The following NELL1 variants were observed in gnomAD, a reference collection of about 807,000 sequenced individuals.
NELL1 encodes the protein neural EGFL like 1, also known as protein kinase C-binding protein NELL1.
NELL1 carries 76 observed loss-of-function variants against 107.4 expected under a neutral mutation model. The observed-to-expected ratio is 0.71, with a 90% CI of 0.59 to 0.86. The LOEUF (loss-of-function observed/expected upper bound fraction) is 0.86, where lower values mean the gene tolerates loss of function less well. NELL1 is among the 40% of genes least tolerant of loss of function. The pLI is 0.00. For synonymous variants in NELL1, 353 were observed against 341.2 expected (o/e 1.03, Z -0.38); for missense variants, 1,024 against 1,005.5 (o/e 1.02, Z -0.25).
At chr11:21,560,442 T>C in intron 17 of NELL1, 60 bp downstream of exon 17, 1 of 1,440,426 alleles carries the variant, frequency 6.9e-7, no homozygotes, top group Non-Finnish European at 9.3e-7. Flanking sequence ...CCCTCACTTT[T>C]CTACCTCCCC....
chr11:21,101,017 G>A (rs570082769), intron 12 of NELL1, among the ~76,000 whole-genome samples: 1 of 143,998 alleles, frequency 6.9e-6, no homozygotes, highest in South Asian at 2.2e-4. Flanking sequence ...AGGCCCCAGT[G>A]TGCGATGTTC....
At chr11:20,782,464 G>A (rs923289902) in intron 2 of NELL1, among the ~76,000 whole-genome samples, 5 of 152,186 alleles carry the variant, frequency 3.3e-5, no homozygotes, top group Admixed American at 2.6e-4. Context: ...AGGCTAAGGT[G>A]GGAAGGTTCT....
At position 20,928,221 on chromosome 11, in the gene NELL1, G is replaced by A. The variant is rs1850541489; in HGVS notation, c.895-156G>A. On this transcript the variant is annotated intron_variant, in intron 8 of 19. Coordinates refer to ENST00000357134, the MANE Select transcript of NELL1 (RefSeq NM_006157.5). ...GGTGGTACAGGTCATTCGGGCCGGA[G>A]AAAACACTTCATCTGTGGTCCTGGA... is the stretch of plus-strand genomic sequence containing the variant. Among the ~76,000 whole-genome samples the A allele has an allele frequency of 2.0e-5, 3 of 152,304 alleles. No individual in the cohort carries two copies. The South Asian group carries it at 6.2e-4, about 32-fold the overall frequency.
At chr11:21,391,484 C>T (rs1340395756) in intron 15 of NELL1, among the ~76,000 whole-genome samples, 1 of 151,710 alleles carries the variant, frequency 6.6e-6, no homozygotes, top group Non-Finnish European at 1.5e-5. Flanking sequence ...TCAAACCTTT[C>T]AGATTTCTTT....
chr11:21,270,630 A>T (rs1848720372), intron 14 of NELL1, among the ~76,000 whole-genome samples: 1 of 152,186 alleles, frequency 6.6e-6, no homozygotes, highest in Non-Finnish European at 1.5e-5. Flanking sequence ...GTCTGCTGGC[A>T]GAAAATTCTT....
chr11:20,765,205 T>A (rs184487372), intron 2 of NELL1, among the ~76,000 whole-genome samples: 1 of 152,106 alleles, frequency 6.6e-6, no homozygotes, highest in Non-Finnish European at 1.5e-5. Context: ...GAAATTCTAA[T>A]GCTACTGTAT....
chr11:20,979,429 C>A (rs1248943174), intron 12 of NELL1, among the ~76,000 whole-genome samples: 1 of 152,058 alleles, frequency 6.6e-6, no homozygotes, highest in African/African-American at 2.4e-5. Flanking sequence ...ACTGGGCCTA[C>A]CCCCATGTTA....
At chr11:21,149,976 G>T (rs1176054023) in intron 13 of NELL1, among the ~76,000 whole-genome samples, 1 of 152,142 alleles carries the variant, frequency 6.6e-6, no homozygotes, top group Non-Finnish European at 1.5e-5. Context: ...GATTAGGGAA[G>T]GCTCTTTGAA....
At chr11:20,826,952 A>G (rs977890250) in intron 3 of NELL1, among the ~76,000 whole-genome samples, 3 of 151,274 alleles carry the variant, frequency 2.0e-5, no homozygotes, top group Non-Finnish European at 4.4e-5. Context: ...GCGATAACAC[A>G]TTCACCCAGA....
chr11:20,774,457 C>T (rs1856709621), intron 2 of NELL1, among the ~76,000 whole-genome samples: 1 of 150,996 alleles, frequency 6.6e-6, no homozygotes, highest in South Asian at 2.1e-4. Context: ...GACTAGAATT[C>T]CTGGGCTCAT....
At chr11:20,992,363 C>A (rs1024111183) in intron 12 of NELL1, among the ~76,000 whole-genome samples, 1 of 152,072 alleles carries the variant, frequency 6.6e-6, no homozygotes, top group Non-Finnish European at 1.5e-5. Flanking sequence ...GAGGATTGAA[C>A]GTTTTTGGGT....
intron 13 of NELL1, among the ~76,000 whole-genome samples, chr11:21,199,651 C>CT (rs1420430554): frequency 1.3e-5 from 2 of 151,716 alleles, no homozygotes; most frequent in Non-Finnish European, 2.9e-5. Flanking sequence ...CCATATTTTT[C>CT]TTTTTTTTAA....
chr11:20,706,936 T>C (rs886703396), intron 2 of NELL1, among the ~76,000 whole-genome samples: 6 of 152,216 alleles, frequency 3.9e-5, no homozygotes, highest in Non-Finnish European at 8.8e-5. Context: ...CCTTGTTAGG[T>C]TGGGGAAGTT....
At position 20,974,937 on chromosome 11, in the gene NELL1, G is replaced by A. The variant is rs537591452; in HGVS notation, c.1300+14377G>A. Among the ~76,000 whole-genome samples the A allele has an allele frequency of 8.8e-4, 134 of 152,168 alleles. 2 individuals are homozygous for A. The highest frequency in any genetic ancestry group is 3.1e-3 in the African/African-American group (128 of 41,516). ...TTTCCTAAATCAACTTCGACAAATT[G>A]CAACTCATTTTTAGTGAAAGGTTAT... On this transcript the variant is annotated intron_variant, in intron 12 of 19. Transcript: ENST00000357134.
At chr11:20,976,164 TTATATCTGTAC>T in intron 12 of NELL1, among the ~76,000 whole-genome samples, 1 of 106,410 alleles carries the variant, frequency 9.4e-6, no homozygotes, top group African/African-American at 4.1e-5. Flanking sequence ...TATACACACA[TTATATCTGTAC>T]ATATATATGT....
chr11:20,999,779 C>T (rs184200505), intron 12 of NELL1, among the ~76,000 whole-genome samples: 3 of 150,320 alleles, frequency 2.0e-5, no homozygotes, highest in Non-Finnish European at 4.4e-5. Flanking sequence ...GTATGGACTT[C>T]TCTTGATTTG....
intron 12 of NELL1, among the ~76,000 whole-genome samples, chr11:21,087,464 A>G (rs567557988): frequency 6.6e-6 from 1 of 152,270 alleles, no homozygotes; most frequent in South Asian, 2.1e-4. Flanking sequence ...AGAGATCTTT[A>G]TTCTCTATTT....
Position 21,441,214 on chromosome 11 carries a change from A to T in NELL1, c.1645+70266A>T, listed in dbSNP as rs182177674. 1.1e-3 allele frequency among the ~76,000 whole-genome samples: 171 copies of T among 152,036 alleles called. No individual in the cohort carries two copies. In the Middle Eastern group the frequency reaches 0.014, roughly 12 times the overall value. On this transcript the variant is annotated intron_variant, in intron 15 of 19. Transcript: ENST00000357134. ...GGCTGTCTTTATTTCTTCTATCTCAAATGTCCTCCTTGTTTTGCCTTTTTA... is the reference window on the plus strand; with the variant it reads ...GGCTGTCTTTATTTCTTCTATCTCATATGTCCTCCTTGTTTTGCCTTTTTA...
At chr11:20,674,045 G>T (rs2133845608) in intron 1 of NELL1, among the ~76,000 whole-genome samples, 1 of 152,262 alleles carries the variant, frequency 6.6e-6, no homozygotes, top group East Asian at 1.9e-4. Context: ...AAGCCTAATT[G>T]ATTTCTCTTT....
Sources: gnomAD v4.1 joint callset for allele counts (sites outside exome capture counted in the v4.1 genomes callset) on GRCh38, gnomAD v4.1.1 for gene constraint, MANE v1.5 for transcripts, NCBI Gene and HGNC (gene_info 2026-07-23, HGNC 2026-07-21) for gene names.